Variants in SYNPR observed in about 807,000 individuals in gnomAD.
The protein encoded by SYNPR is synaptoporin.
Under a neutral mutation model 32.9 loss-of-function variants are expected in SYNPR, and 23 were observed. The observed-to-expected ratio is 0.70, with a 90% CI of 0.50 to 0.99. SYNPR has a LOEUF of 0.99. Ranked by LOEUF, SYNPR falls within the 50% of genes least tolerant of loss-of-function variation. The pLI, the probability that SYNPR is intolerant of heterozygous loss-of-function variation, is 0.00. For missense variants in SYNPR, 318 were observed against 349.3 expected (o/e 0.91, Z 0.71); for synonymous variants, 146 against 135.9 (o/e 1.07, Z -0.52).
chr3:63,585,554 CACAT>C (rs1228683214), intron 4 of SYNPR, among the ~76,000 whole-genome samples: 1 of 151,700 alleles, frequency 6.6e-6, no homozygotes, highest in African/African-American at 2.4e-5. Flanking sequence ...GAGAAACAGA[CACAT>C]ACACGTAAGC....
intron 3 of SYNPR, among the ~76,000 whole-genome samples, chr3:63,517,494 T>C (rs1267808167): frequency 1.3e-5 from 2 of 152,112 alleles, no homozygotes; most frequent in East Asian, 3.9e-4. Context: ...ACATCAATGA[T>C]AGTATCCCTT....
At chr3:63,550,696 C>A (rs1298644258) in intron 3 of SYNPR, among the ~76,000 whole-genome samples, 1 of 152,226 alleles carries the variant, frequency 6.6e-6, no homozygotes, top group East Asian at 1.9e-4. Flanking sequence ...TGGAGACATG[C>A]TGATCCTGGG....
At chr3:63,546,409 T>C (rs1436341454) in intron 3 of SYNPR, among the ~76,000 whole-genome samples, 1 of 151,978 alleles carries the variant, frequency 6.6e-6, no homozygotes, top group Admixed American at 6.6e-5. Context: ...GATCCTGGCA[T>C]ATATATTCTT....
chr3:63,443,839 A>G (rs1700223768), intron 2 of SYNPR, among the ~76,000 whole-genome samples: 1 of 152,182 alleles, frequency 6.6e-6, no homozygotes, highest in Non-Finnish European at 1.5e-5. Context: ...CAACCTGCTT[A>G]CCATTTTAAT....
intron 4 of SYNPR, among the ~76,000 whole-genome samples, chr3:63,581,969 AAC>A (rs1703101139): frequency 6.6e-6 from 1 of 152,138 alleles, no homozygotes. Context: ...AAATCATCAA[AAC>A]AGTACTTGCA....
At chr3:63,505,264 A>G (rs1187346886) in intron 3 of SYNPR, among the ~76,000 whole-genome samples, 1 of 152,208 alleles carries the variant, frequency 6.6e-6, no homozygotes, top group African/African-American at 2.4e-5. Context: ...AACCAGGTGA[A>G]TATCGACAAT....
At chr3:63,408,201 G>A (rs1367430834) in intron 2 of SYNPR, among the ~76,000 whole-genome samples, 2,259 of 41,994 alleles carry the variant, frequency 0.054, 356 homozygotes, top group Middle Eastern at 0.13. Flanking sequence ...AAAGAGGAAG[G>A]AAGGAAGGAA....
chr3:63,540,106 T>C (rs890645184), intron 3 of SYNPR, among the ~76,000 whole-genome samples: 6 of 152,164 alleles, frequency 3.9e-5, no homozygotes, highest in African/African-American at 1.2e-4. Context: ...GTTATAATAA[T>C]AGTATTTATT....
intron 2 of SYNPR, among the ~76,000 whole-genome samples, chr3:63,393,576 C>A (rs2088172222): frequency 7.0e-6 from 1 of 142,122 alleles, no homozygotes; most frequent in Non-Finnish European, 1.5e-5. Context: ...TGGCTCACTG[C>A]AGCCTTGACC....
At chr3:63,415,803 C>T (rs1432415315) in intron 2 of SYNPR, among the ~76,000 whole-genome samples, 1 of 152,124 alleles carries the variant, frequency 6.6e-6, no homozygotes, top group Non-Finnish European at 1.5e-5. Flanking sequence ...ATACCCTTTC[C>T]CTGCAGCAAA....
At chr3:63,361,043 T>C (rs899656999) in intron 2 of SYNPR, among the ~76,000 whole-genome samples, 9 of 152,214 alleles carry the variant, frequency 5.9e-5, no homozygotes, top group Admixed American at 2.0e-4. Context: ...TTAATGACTA[T>C]ATTATAATGT....
At chr3:63,519,768 T>C (rs1486680544) in intron 3 of SYNPR, among the ~76,000 whole-genome samples, 1 of 152,240 alleles carries the variant, frequency 6.6e-6, no homozygotes, top group Non-Finnish European at 1.5e-5. Context: ...ATGAGTTGAA[T>C]GCATTGTATT....
At chr3:63,258,227 G>C (rs1178539948) in intron 2 of SYNPR, among the ~76,000 whole-genome samples, 1 of 152,198 alleles carries the variant, frequency 6.6e-6, no homozygotes, top group African/African-American at 2.4e-5. Flanking sequence ...GGACCTAATA[G>C]ACATCTACAG....
the SYNPR span, among the ~76,000 whole-genome samples, chr3:63,211,221 C>G: frequency 6.6e-6 from 1 of 152,290 alleles, no homozygotes; most frequent in South Asian, 2.1e-4. Flanking sequence ...GCACCCGCCA[C>G]CACACCTGGC....
At chr3:63,406,280 C>T (rs928544216) in intron 2 of SYNPR, among the ~76,000 whole-genome samples, 1 of 151,282 alleles carries the variant, frequency 6.6e-6, no homozygotes, top group African/African-American at 2.4e-5. Flanking sequence ...GAGATTTATT[C>T]TTTTTGTTGT....
At chr3:63,408,041 T>C (rs2088384945) in intron 2 of SYNPR, among the ~76,000 whole-genome samples, 1 of 151,366 alleles carries the variant, frequency 6.6e-6, no homozygotes, top group East Asian at 1.9e-4. Flanking sequence ...CATGCAGTGG[T>C]TTCCCTAATG....
chr3:63,486,115 G>T lies in SYNPR; in HGVS notation c.209+5159G>T, dbSNP rs144612406. On this transcript the variant is annotated intron_variant, in intron 3 of 5. Transcript: ENST00000478300. ...GTAGAGACAGGGTTTCACCATGTTG[G>T]CCAGGCTTATCTCAAACTCCTGACC... is the stretch of plus-strand genomic sequence containing the variant. 5.3e-5 allele frequency among the ~76,000 whole-genome samples: 8 copies of T among 152,172 alleles called. No homozygotes were observed. In the East Asian group the frequency reaches 1.5e-3, roughly 29 times the overall value.
chr3:63,229,902 C>T (rs1164737951), intron 1 of SYNPR, among the ~76,000 whole-genome samples: 3 of 152,064 alleles, frequency 2.0e-5, no homozygotes, highest in Non-Finnish European at 4.4e-5. Context: ...GTTTTAAAGT[C>T]TAGCTTTTTT....
chr3:63,268,523 C>G (rs2086509981), intron 3 of SYNPR, among the ~76,000 whole-genome samples: 1 of 152,104 alleles, frequency 6.6e-6, no homozygotes, highest in South Asian at 2.1e-4. Context: ...ATATAATATA[C>G]TCTATTCTTA....
Sources: gnomAD v4.1 joint callset for allele counts (sites outside exome capture counted in the v4.1 genomes callset) on GRCh38, gnomAD v4.1.1 for gene constraint, MANE v1.5 for transcripts, NCBI Gene and HGNC (gene_info 2026-07-23, HGNC 2026-07-21) for gene names.